Variants in RYR2 observed in about 807,000 individuals in gnomAD.
The protein encoded by RYR2 is cardiac muscle ryanodine receptor-calcium release channel.
A neutral mutation model predicts 601.1 loss-of-function variants in RYR2; 227 were observed. That is an observed-to-expected ratio of 0.38 (90% CI 0.34 to 0.42). The LOEUF is 0.42. RYR2 is among the 10% of genes least tolerant of loss of function. The probability of loss-of-function intolerance (pLI) is 1.00; values close to 1 mark genes in which losing one functional copy is unlikely to be tolerated. For missense variants in RYR2, 4,646 were observed against 6,156.5 expected (o/e 0.75, Z 8.21); for synonymous variants, 2,223 against 2,175.1 (o/e 1.02, Z -0.61).
At chr1:237,321,404 A>G (rs538093377) in intron 2 of RYR2, among the ~76,000 whole-genome samples, 2 of 152,258 alleles carry the variant, frequency 1.3e-5, no homozygotes, top group South Asian at 4.1e-4. Flanking sequence ...TTTTTTAAAT[A>G]ACAGATTTCT....
chr1:237,295,055 C>G (rs1053191686), intron 2 of RYR2, among the ~76,000 whole-genome samples: 2 of 151,882 alleles, frequency 1.3e-5, no homozygotes, highest in African/African-American at 4.8e-5. Context: ...CTCTCCAAAA[C>G]GTAGAGAAAA....
intron 25 of RYR2, among the ~76,000 whole-genome samples, chr1:237,536,587 C>T (rs1050466983): frequency 5.9e-5 from 9 of 152,158 alleles, no homozygotes; most frequent in East Asian, 3.9e-4. Flanking sequence ...TGGTGGCGGG[C>T]GCCTGTAGTC....
chr1:237,225,202 G>A (rs1208374283), intron 1 of RYR2, among the ~76,000 whole-genome samples: 5 of 152,182 alleles, frequency 3.3e-5, no homozygotes, highest in African/African-American at 4.8e-5. Flanking sequence ...GAGGAAGGCA[G>A]ATATAAGATT....
chr1:237,245,429 TTA>T (rs1213324883), intron 1 of RYR2, among the ~76,000 whole-genome samples: 2 of 152,030 alleles, frequency 1.3e-5, no homozygotes, highest in South Asian at 2.1e-4. Flanking sequence ...AGCTGTAAGT[TTA>T]TGTTTGTCAG....
chr1:237,219,965 C>A (rs971323252), intron 1 of RYR2, among the ~76,000 whole-genome samples: 6 of 152,198 alleles, frequency 3.9e-5, no homozygotes, highest in African/African-American at 1.4e-4. Flanking sequence ...TCAGCACATA[C>A]CTGTCATGTG....
At position 237,830,960 on chromosome 1, in the gene RYR2, C is replaced by T. The variant is rs112381564; in HGVS notation, c.14756+330C>T. Among the ~76,000 whole-genome samples, 62 of 152,136 alleles carry T rather than the reference C, an allele frequency of 4.1e-4. 1 individual carries two copies. Among genetic ancestry groups the T allele is most frequent in the African/African-American group, 1.4e-3 (57 of 41,508 alleles). On this transcript the variant is annotated intron_variant, in intron 103 of 104. Coordinates refer to ENST00000366574, the MANE Select transcript of RYR2 (RefSeq NM_001035.3). ...TGCTTCCTAGGGAGATGCGAGTCTCCGTTTTTCTTCTTACAGATCTTAAGA... is the reference window on the plus strand; with the variant it reads ...TGCTTCCTAGGGAGATGCGAGTCTCTGTTTTTCTTCTTACAGATCTTAAGA...
chr1:237,705,118 TATC>T (rs1193158245), intron 66 of RYR2, 92 bp from the exon 67 acceptor site: 4 of 1,086,080 alleles, frequency 3.7e-6, no homozygotes, highest in Non-Finnish European at 5.4e-6. Context: ...GGACCAATAT[TATC>T]ATTCCTTTTA....
chr1:237,241,596 A>G (rs906899152), intron 1 of RYR2, among the ~76,000 whole-genome samples: 1 of 152,182 alleles, frequency 6.6e-6, no homozygotes, highest in African/African-American at 2.4e-5. Flanking sequence ...TTATTAAGAA[A>G]GTAAAGGAAT....
chr1:237,404,793 G>A (rs989318895), intron 10 of RYR2, among the ~76,000 whole-genome samples: 1 of 152,224 alleles, frequency 6.6e-6, no homozygotes, highest in Non-Finnish European at 1.5e-5. Context: ...AGGTGTGTGA[G>A]ATTCTTCTGC....
At chr1:237,114,346 A>G (rs1669827300) in intron 1 of RYR2, among the ~76,000 whole-genome samples, 2 of 152,234 alleles carry the variant, frequency 1.3e-5, no homozygotes, top group Non-Finnish European at 2.9e-5. Context: ...CCTTGCAAAT[A>G]AAATTTTGCA....
rs201780507 is a variant in RYR2 at position 237,610,747 on chromosome 1, C to G, written c.4684-15C>G. ...TGTTCTACATTTATTCTTTTTCTGCCTCCCCATCCGCTAGAATGTGATGCC... is the reference window on the plus strand; with the variant it reads ...TGTTCTACATTTATTCTTTTTCTGCGTCCCCATCCGCTAGAATGTGATGCC... On this transcript the variant is annotated splice_polypyrimidine_tract_variant and intron_variant, in intron 35 of 104. Transcript: ENST00000366574. This position sits in a 1 kb window ranked among gnomAD's most constrained non-coding sequence, Gnocchi z 4.9. The G allele has an allele frequency of 1.9e-6, 3 of 1,574,592 alleles. No homozygotes were observed. The highest frequency in any genetic ancestry group is 2.6e-6 in the Non-Finnish European group (3 of 1,158,020).
At chr1:237,815,824 G>A (rs745538448) in intron 100 of RYR2, among the ~76,000 whole-genome samples, 7 of 152,116 alleles carry the variant, frequency 4.6e-5, no homozygotes, top group African/African-American at 9.7e-5. Flanking sequence ...CCTGATGTAC[G>A]AGTCAGAATA....
chr1:237,545,634 C>T (rs1022682859), intron 25 of RYR2, among the ~76,000 whole-genome samples: 2 of 152,078 alleles, frequency 1.3e-5, no homozygotes, highest in Non-Finnish European at 2.9e-5. Context: ...GAAGACTGGG[C>T]TCTTCATCAT....
intron 84 of RYR2, among the ~76,000 whole-genome samples, chr1:237,763,665 G>A (rs1016334716): frequency 2.0e-5 from 3 of 152,106 alleles, no homozygotes; most frequent in Non-Finnish European, 2.9e-5. Context: ...TACTTAGGAC[G>A]CCAACAAGGC....
At chr1:237,680,673 G>A in intron 62 of RYR2, 96 bp downstream of exon 62, 2 of 830,150 alleles carry the variant, frequency 2.4e-6, no homozygotes, top group Non-Finnish European at 1.8e-6. Flanking sequence ...TGTACGGAGA[G>A]TATCTGCCCA....
At chr1:237,641,467 GTCTGTCTT>G (rs1302021427) in intron 47 of RYR2, among the ~76,000 whole-genome samples, 1,475 of 117,196 alleles carry the variant, frequency 0.013, 12 homozygotes, top group African/African-American at 0.03. Context: ...ATTAGTGTCT[GTCTGTCTT>G]TCTTTCTTTC....
chr1:237,827,131 A>G (rs534959796), intron 101 of RYR2, among the ~76,000 whole-genome samples: 1 of 152,336 alleles, frequency 6.6e-6, no homozygotes, highest in East Asian at 1.9e-4. Flanking sequence ...AATACCATGG[A>G]CAAGCTTAAG....
chr1:237,141,000 A>G (rs771039739), intron 1 of RYR2, among the ~76,000 whole-genome samples: 3 of 152,212 alleles, frequency 2.0e-5, no homozygotes, highest in Non-Finnish European at 4.4e-5. Context: ...AAGGACATTT[A>G]TATTGTTTCA....
intron 2 of RYR2, among the ~76,000 whole-genome samples, chr1:237,278,536 G>A (rs968145035): frequency 6.6e-6 from 1 of 152,138 alleles, no homozygotes; most frequent in Non-Finnish European, 1.5e-5. Flanking sequence ...TTTAAAATCT[G>A]ATTAACTCTG....
Sources: allele counts gnomAD v4.1 joint callset (sites outside exome capture counted in the v4.1 genomes callset), GRCh38; gene constraint gnomAD v4.1.1; non-coding constraint Gnocchi (gnomAD v3.1); transcripts MANE v1.5; gene names NCBI Gene and HGNC (gene_info 2026-07-23, HGNC 2026-07-21).